FAM120A: variants seen among roughly 807,000 people sequenced by gnomAD.
The protein encoded by FAM120A is family with sequence similarity 120 member A, also known as constitutive coactivator of PPAR-gamma-like protein 1.
FAM120A carries 15 observed loss-of-function variants against 109.7 expected under a neutral mutation model. The ratio of observed to expected loss-of-function variants is 0.14; its 90% CI spans 0.09 to 0.21. The LOEUF (loss-of-function observed/expected upper bound fraction) is 0.21. Ranked by LOEUF, FAM120A falls within the 10% of genes least tolerant of loss-of-function variation. FAM120A has a pLI of 1.00. For missense variants in FAM120A, 899 were observed against 1,439.3 expected (o/e 0.62, Z 6.07); for synonymous variants, 493 against 572.8 (o/e 0.86, Z 1.99).
chr9:93,481,846 C>G (rs538840654), intron 3 of FAM120A, among the ~76,000 whole-genome samples: 1 of 152,294 alleles, frequency 6.6e-6, no homozygotes, highest in East Asian at 1.9e-4. Context: ...CTCCCCCAGC[C>G]CTTTCTGACC....
intron 1 of FAM120A, chr9:93,453,209 CAGTA>C (rs1222055691): frequency 2.0e-6 from 2 of 1,004,478 alleles, no homozygotes; most frequent in Non-Finnish European, 2.4e-6. Context: ...TTCGGGTGCA[CAGTA>C]AGTATTCAGT....
intron 1 of FAM120A, among the ~76,000 whole-genome samples, chr9:93,467,411 T>G (rs947464613): frequency 2.0e-5 from 3 of 152,120 alleles, no homozygotes; most frequent in African/African-American, 7.2e-5. Flanking sequence ...AGTTCTAGAA[T>G]TTTAGAAGTT....
At position 93,558,567 on chromosome 9, in the gene FAM120A, C is replaced by G. The variant is rs376571033; in HGVS notation, c.2669-14C>G. 6.2e-7 allele frequency: 1 copy of G among 1,613,880 alleles called. No homozygotes were observed. Among genetic ancestry groups the G allele is most frequent in the African/African-American group, 1.3e-5 (1 of 75,072 alleles). ...TTACACTTCTCCCCTCTCTCTCTACCCCGGGTCCCACAGGCGTCTGTGGCT... is the reference window on the plus strand; with the variant it reads ...TTACACTTCTCCCCTCTCTCTCTACGCCGGGTCCCACAGGCGTCTGTGGCT... On this transcript the variant is annotated splice_polypyrimidine_tract_variant and intron_variant, in intron 14 of 17. Coordinates refer to ENST00000277165, the MANE Select transcript of FAM120A (RefSeq NM_014612.5).
At chr9:93,546,624 T>C (rs946907710) in intron 11 of FAM120A, among the ~76,000 whole-genome samples, 1 of 152,160 alleles carries the variant, frequency 6.6e-6, no homozygotes, top group Non-Finnish European at 1.5e-5. Flanking sequence ...TTTGCTCCTC[T>C]CGATGCCTGG....
At chr9:93,529,897 C>A in intron 9 of FAM120A, 2 of 548,302 alleles carry the variant, frequency 3.6e-6, no homozygotes, top group East Asian at 6.1e-5. Flanking sequence ...TCAGAATTTT[C>A]TTAAACCATA....
At position 93,478,397 on chromosome 9, in the gene FAM120A, C is replaced by T. The variant is rs572059464; in HGVS notation, c.804+2059C>T. Among the ~76,000 whole-genome samples, 9 of 151,672 alleles carry T rather than the reference C, an allele frequency of 5.9e-5. No individual in the cohort carries two copies. In the South Asian group the frequency reaches 6.2e-4, roughly 10 times the overall value. On this transcript the variant is annotated intron_variant, in intron 3 of 17. Transcript: ENST00000277165. Reference sequence around the variant, plus strand: ...AAATTATTTTTCAGATGACTTGATACGTTGTAGGATTTTAAAGTCACACAT... The same window carrying T: ...AAATTATTTTTCAGATGACTTGATATGTTGTAGGATTTTAAAGTCACACAT...
intron 1 of FAM120A, among the ~76,000 whole-genome samples, chr9:93,468,716 A>G (rs1184563779): frequency 6.6e-6 from 1 of 152,102 alleles, no homozygotes; most frequent in African/African-American, 2.4e-5. Flanking sequence ...GGCTGTGTCT[A>G]TCTCCGTAAT....
At chr9:93,474,989 C>A (rs1345557314) in intron 2 of FAM120A, among the ~76,000 whole-genome samples, 1 of 152,160 alleles carries the variant, frequency 6.6e-6, no homozygotes, top group East Asian at 1.9e-4. Context: ...CAGATTTGCT[C>A]ATTTGGACAT....
intron 15 of FAM120A, among the ~76,000 whole-genome samples, chr9:93,559,890 G>A (rs1021683176): frequency 6.6e-6 from 1 of 152,202 alleles, no homozygotes; most frequent in Non-Finnish European, 1.5e-5. Flanking sequence ...GCCTAGTATA[G>A]TAGCTGCTGG....
At chr9:93,461,980 C>T (rs1588779126) in intron 1 of FAM120A, among the ~76,000 whole-genome samples, 3 of 152,324 alleles carry the variant, frequency 2.0e-5, no homozygotes, top group Non-Finnish European at 4.4e-5. Context: ...AGACTGTGAT[C>T]ACATCACAAG....
At chr9:93,462,333 C>T (rs753752459) in intron 1 of FAM120A, among the ~76,000 whole-genome samples, 2 of 152,092 alleles carry the variant, frequency 1.3e-5, no homozygotes, top group South Asian at 4.1e-4. Context: ...AAGGCTGTAG[C>T]GCAGTAGCGT....
intron 1 of FAM120A, chr9:93,453,349 CTG>C (rs971794573): frequency 4.1e-5 from 40 of 985,534 alleles, no homozygotes; most frequent in Non-Finnish European, 4.7e-5. Flanking sequence ...CCAGCAGTGA[CTG>C]TGAAGATAAG....
intron 7 of FAM120A, among the ~76,000 whole-genome samples, chr9:93,520,910 T>G (rs2131430223): frequency 6.6e-6 from 1 of 152,368 alleles, no homozygotes; most frequent in African/African-American, 2.4e-5. Context: ...GAACTTTATC[T>G]CTTCTTTTCG....
intron 5 of FAM120A, among the ~76,000 whole-genome samples, chr9:93,508,526 T>C (rs1162865793): frequency 6.6e-6 from 1 of 152,160 alleles, no homozygotes; most frequent in Admixed American, 6.5e-5. Flanking sequence ...CTGAGTGGCC[T>C]GGGGTGGGCA....
chr9:93,462,498 T>G (rs574450022), intron 1 of FAM120A, among the ~76,000 whole-genome samples: 1 of 152,312 alleles, frequency 6.6e-6, no homozygotes, highest in Middle Eastern at 3.4e-3. Flanking sequence ...GCCAGGCTGG[T>G]CTTGAACTCC....
At chr9:93,560,589 A>C (rs1360789346) in intron 15 of FAM120A, among the ~76,000 whole-genome samples, 1 of 152,232 alleles carries the variant, frequency 6.6e-6, no homozygotes, top group African/African-American at 2.4e-5. Context: ...CCAATTAGCA[A>C]TTAGAGAATT....
chr9:93,498,026 G>A lies in FAM120A; in HGVS notation c.933+427G>A, dbSNP rs960528916. ...TTGTCAGGGATTTTCTTCTTTTTTG[G>A]GGAAGTAGGTGTGCCAACAAGTTGG... On this transcript the variant is annotated intron_variant, in intron 4 of 17. Coordinates refer to ENST00000277165, the MANE Select transcript of FAM120A (RefSeq NM_014612.5). The surrounding 1 kb of genome is among the most constrained non-coding windows in gnomAD (Gnocchi z 4.4). 1.3e-5 allele frequency among the ~76,000 whole-genome samples: 2 copies of A among 152,088 alleles called. No individual in the cohort carries two copies. Among genetic ancestry groups the A allele is most frequent in the African/African-American group, 4.8e-5 (2 of 41,398 alleles).
chr9:93,537,617 A>G (rs181448680), intron 10 of FAM120A, among the ~76,000 whole-genome samples: 1 of 152,204 alleles, frequency 6.6e-6, no homozygotes, highest in East Asian at 1.9e-4. Context: ...TTTATGAAAG[A>G]TTTTCCTATA....
At position 93,470,165 on chromosome 9, in the gene FAM120A, A is replaced by G. The variant is rs540974981; in HGVS notation, c.475-976A>G. ...TGTGGAGAGTTAATACTCCATTGTT[A>G]TTGGAATCACCTAATTTAGTTTAAA... On this transcript the variant is annotated intron_variant, in intron 1 of 17. Coordinates refer to ENST00000277165, the MANE Select transcript of FAM120A (RefSeq NM_014612.5). 6.6e-5 allele frequency among the ~76,000 whole-genome samples: 10 copies of G among 152,326 alleles called. No homozygotes were observed. In the South Asian group the frequency reaches 1.9e-3, roughly 28 times the overall value.
Sources: allele counts gnomAD v4.1 joint callset (sites outside exome capture counted in the v4.1 genomes callset), GRCh38; gene constraint gnomAD v4.1.1; non-coding constraint Gnocchi (gnomAD v3.1); transcripts MANE v1.5; gene names NCBI Gene and HGNC (gene_info 2026-07-23, HGNC 2026-07-21).